TMEM163: variants seen among roughly 807,000 people sequenced by gnomAD.
TMEM163 encodes the protein transmembrane protein 163.
Under a neutral mutation model 29.3 loss-of-function variants are expected in TMEM163, and 17 were observed. The observed-to-expected ratio is 0.58, with a 90% CI of 0.40 to 0.87. The LOEUF (loss-of-function observed/expected upper bound fraction) is 0.87. Among genes scored for constraint, TMEM163 ranks in the 40% least tolerant of loss-of-function variants. The pLI, the probability that TMEM163 is intolerant of heterozygous loss-of-function variation, is 0.00. For synonymous variants in TMEM163, 157 were observed against 160.6 expected (o/e 0.98, Z 0.17); for missense variants, 303 against 381.5 (o/e 0.79, Z 1.71).
chr2:134,513,964 G>A (rs971305836), intron 4 of TMEM163, among the ~76,000 whole-genome samples: 2 of 152,254 alleles, frequency 1.3e-5, no homozygotes, highest in Non-Finnish European at 2.9e-5. Context: ...GCTTCCTGTA[G>A]CAGGCGGGCT....
In TMEM163 at chr2:134,470,367, A is replaced by C. The variant is rs111615689; in HGVS notation, c.556-4142T>G. 2.0e-3 allele frequency among the ~76,000 whole-genome samples: 303 copies of C among 152,084 alleles called. 1 individual carries two copies. Among genetic ancestry groups the C allele is most frequent in the African/African-American group, 6.7e-3 (278 of 41,506 alleles). On this transcript the variant is annotated intron_variant, in intron 5 of 7. Transcript: ENST00000281924. ...GTGAGACTCCGTCTCAAAAAAAAAA[A>C]AAAAAACTTCATACGGATGTGTCAT...
chr2:134,488,567 T>A (rs1469135097), intron 5 of TMEM163, among the ~76,000 whole-genome samples: 1 of 152,108 alleles, frequency 6.6e-6, no homozygotes, highest in Non-Finnish European at 1.5e-5. Context: ...ACTTTTGAGG[T>A]TTTGGGACTC....
rs938118763 is a variant in TMEM163 at position 134,456,432 on chromosome 2, C to G, written c.*284G>C. 4 of 447,024 alleles carry G rather than the reference C, an allele frequency of 8.9e-6. No homozygotes were observed. The highest frequency in any genetic ancestry group is 1.7e-5 in the Non-Finnish European group (4 of 242,368). 27.7% of individuals were successfully genotyped at this position (447,024 alleles called of 1,614,324 possible). On this transcript the variant is annotated 3_prime_UTR_variant, in exon 8 of 8. Coordinates refer to ENST00000281924, the MANE Select transcript of TMEM163 (RefSeq NM_030923.5). ...AGACCTTTCTGCCAAAGATCTCATC[C>G]TACCCATGAGAACCATCATACTCCA...
intron 2 of TMEM163, among the ~76,000 whole-genome samples, chr2:134,678,341 C>T (rs564320184): frequency 2.6e-4 from 40 of 152,308 alleles, no homozygotes; most frequent in African/African-American, 9.1e-4. Flanking sequence ...AGTGGCAGTA[C>T]GCCCTGTCTC....
At chr2:134,616,250 C>G (rs1371076072) in intron 2 of TMEM163, among the ~76,000 whole-genome samples, 3 of 152,122 alleles carry the variant, frequency 2.0e-5, no homozygotes, top group Non-Finnish European at 4.4e-5. Context: ...GAAAGTTAGC[C>G]AAAGCTTTAG....
At chr2:134,495,841 C>A (rs1679542126) in intron 5 of TMEM163, among the ~76,000 whole-genome samples, 1 of 152,062 alleles carries the variant, frequency 6.6e-6, no homozygotes, top group Non-Finnish European at 1.5e-5. Flanking sequence ...TTAATCCATA[C>A]AAAAAAAGTA....
In TMEM163 at chr2:134,552,025, A is replaced by G. The variant is rs776655175; in HGVS notation, c.366+23T>C. The stretch of plus-strand genomic sequence containing the variant: ...ATGAAAAAACGTGCAAAACTTGATG[A>G]AAGTACATTTCAGGTTACTTACTGC... On this transcript the variant is annotated intron_variant, in intron 3 of 7. Transcript: ENST00000281924. 3.7e-6 allele frequency: 6 copies of G among 1,611,140 alleles called. 1 individual carries two copies. In the South Asian group the frequency reaches 6.6e-5, roughly 18 times the overall value.
chr2:134,630,650 GAGGGGCTGAAC>G (rs974449150), intron 2 of TMEM163, among the ~76,000 whole-genome samples: 1 of 152,170 alleles, frequency 6.6e-6, no homozygotes, highest in African/African-American at 2.4e-5. Context: ...AGATGTTGCT[GAGGGGCTGAAC>G]AGGGGTCTGA....
chr2:134,508,493 CT>C (rs1389225254), intron 4 of TMEM163, among the ~76,000 whole-genome samples: 4 of 152,194 alleles, frequency 2.6e-5, no homozygotes, highest in African/African-American at 9.7e-5. Flanking sequence ...CCCTCTTTCT[CT>C]CCGTGTGTTC....
At chr2:134,580,051 G>T (rs576918671) in intron 2 of TMEM163, among the ~76,000 whole-genome samples, 374 of 152,214 alleles carry the variant, frequency 2.5e-3, no homozygotes, top group African/African-American at 8.4e-3. Flanking sequence ...TGAGACTTAA[G>T]AAAAAAATCT....
rs1455418395 is a variant in TMEM163 at position 134,577,717 on chromosome 2, T to G, written c.323-25626A>C. On this transcript the variant is annotated intron_variant, in intron 2 of 7. Transcript: ENST00000281924. ...TTTCCCCAGCCCTCCCCACCCACCCTTGGGAGCCTCCGTGCCCACCAGGTA... is the reference window on the plus strand; with the variant it reads ...TTTCCCCAGCCCTCCCCACCCACCCGTGGGAGCCTCCGTGCCCACCAGGTA... 6.5e-5 allele frequency among the ~76,000 whole-genome samples: 7 copies of G among 108,400 alleles called. No homozygotes were observed. The East Asian group carries it at 1.7e-3, about 27-fold the overall frequency. 71.1% of individuals were successfully genotyped at this position (108,400 alleles called of 152,430 possible).
At chr2:134,492,467 C>T (rs1188120595) in intron 5 of TMEM163, among the ~76,000 whole-genome samples, 4 of 152,128 alleles carry the variant, frequency 2.6e-5, no homozygotes, top group Non-Finnish European at 4.4e-5. Flanking sequence ...AGACTATTTC[C>T]GTCACCCCCA....
chr2:134,493,668 A>C (rs1440135486), intron 5 of TMEM163, among the ~76,000 whole-genome samples: 1 of 152,144 alleles, frequency 6.6e-6, no homozygotes, highest in Non-Finnish European at 1.5e-5. Flanking sequence ...CACTGCGCCC[A>C]GCCTTTTGGT....
At chr2:134,615,326 T>C (rs1165904889) in intron 2 of TMEM163, among the ~76,000 whole-genome samples, 1 of 152,200 alleles carries the variant, frequency 6.6e-6, no homozygotes, top group Non-Finnish European at 1.5e-5. Flanking sequence ...GGAAGAATGG[T>C]GAAATCATTA....
In TMEM163 at chr2:134,455,880, A is replaced by C. The variant is rs960998523; in HGVS notation, c.*836T>G. On this transcript the variant is annotated 3_prime_UTR_variant, in exon 8 of 8. Coordinates refer to ENST00000281924, the MANE Select transcript of TMEM163 (RefSeq NM_030923.5). ...CTCTACAGAATCTAAACCTACCGTG[A>C]CATCAGCTGAGAACGTCTTGTTCCT... is the stretch of plus-strand genomic sequence containing the variant. The C allele has an allele frequency of 6.6e-6, 1 of 152,646 alleles. No homozygotes were observed. The highest frequency in any genetic ancestry group is 6.5e-5 in the Admixed American group (1 of 15,286). The allele number at this position is 152,646 out of a possible 1,614,324, so 9.5% of individuals were successfully genotyped here. A position where few individuals can be genotyped will look rare whatever the true frequency, so the allele number is the denominator to read the frequency against.
intron 2 of TMEM163, among the ~76,000 whole-genome samples, chr2:134,570,477 T>TATACATATACATATACACATACAC (rs1271118907): frequency 1.6e-5 from 1 of 60,636 alleles, no homozygotes; most frequent in African/African-American, 1.2e-4. Flanking sequence ...TATATATACA[T>TATACATATACATATACACATACAC]ATACATATAC....
At chr2:134,546,917 A>G (rs1680802416) in intron 4 of TMEM163, among the ~76,000 whole-genome samples, 3 of 152,218 alleles carry the variant, frequency 2.0e-5, no homozygotes, top group Non-Finnish European at 4.4e-5. Flanking sequence ...ACATTATGCT[A>G]ACTGAAATAA....
intron 2 of TMEM163, among the ~76,000 whole-genome samples, chr2:134,632,836 G>A (rs1377326230): frequency 4.7e-5 from 7 of 150,088 alleles, no homozygotes; most frequent in African/African-American, 7.4e-5. Context: ...TTTGCCTCCC[G>A]GGTTCACGCC....
chr2:134,519,642 G>T (rs1680149572), intron 4 of TMEM163, among the ~76,000 whole-genome samples: 1 of 151,952 alleles, frequency 6.6e-6, no homozygotes, highest in Non-Finnish European at 1.5e-5. Context: ...AACCCAGGAG[G>T]CAGAGCTTGC....
Sources: gnomAD v4.1 joint callset for allele counts (sites outside exome capture counted in the v4.1 genomes callset) on GRCh38, gnomAD v4.1.1 for gene constraint, MANE v1.5 for transcripts, NCBI Gene and HGNC (gene_info 2026-07-23, HGNC 2026-07-21) for gene names.